GDPD1: variants seen among roughly 807,000 people sequenced by gnomAD.
GDPD1 encodes the protein glycerophosphodiester phosphodiesterase domain containing 1, also known as lysophospholipase D GDPD1.
Under a neutral mutation model 45.1 loss-of-function variants are expected in GDPD1, and 28 were observed. The ratio of observed to expected loss-of-function variants is 0.62; its 90% CI spans 0.46 to 0.85. GDPD1 has a LOEUF of 0.85. Among genes scored for constraint, GDPD1 ranks in the 40% least tolerant of loss-of-function variants. The pLI, the probability that GDPD1 is intolerant of heterozygous loss-of-function variation, is 0.00. For missense variants in GDPD1, 256 were observed against 364.8 expected (o/e 0.70, Z 2.43); for synonymous variants, 139 against 131.4 (o/e 1.06, Z -0.40).
intron 6 of GDPD1, among the ~76,000 whole-genome samples, chr17:59,265,236 T>C (rs942210194): frequency 5.3e-5 from 8 of 152,168 alleles, no homozygotes; most frequent in Middle Eastern, 3.4e-3. Context: ...AATTTTTTTT[T>C]CCAGTAAATA....
At chr17:59,247,388 C>T (rs532561818) in intron 3 of GDPD1, among the ~76,000 whole-genome samples, 1 of 152,138 alleles carries the variant, frequency 6.6e-6, no homozygotes, top group Non-Finnish European at 1.5e-5. Context: ...TTCAGTCCCC[C>T]CTTCCCTCAT....
intron 6 of GDPD1, among the ~76,000 whole-genome samples, chr17:59,265,505 C>G (rs1466778131): frequency 6.6e-6 from 1 of 151,948 alleles, no homozygotes; most frequent in Non-Finnish European, 1.5e-5. Flanking sequence ...CCACTGTACT[C>G]TAGCCTGGGT....
intron 6 of GDPD1, among the ~76,000 whole-genome samples, chr17:59,259,262 T>C (rs2047333444): frequency 6.6e-6 from 1 of 151,122 alleles, no homozygotes; most frequent in Non-Finnish European, 1.5e-5. Flanking sequence ...AAACCCCATC[T>C]CTATTAAAAA....
intron 6 of GDPD1, 87 bp downstream of exon 6, chr17:59,257,927 T>A: frequency 1.1e-6 from 1 of 909,058 alleles, no homozygotes; most frequent in African/African-American, 1.8e-5. Context: ...ATAATTTTTT[T>A]TCTTTTTCTT....
chr17:59,266,255 G>A (rs2047398301), intron 6 of GDPD1, among the ~76,000 whole-genome samples: 1 of 151,834 alleles, frequency 6.6e-6, no homozygotes, highest in South Asian at 2.1e-4. Flanking sequence ...GGGCATGGTG[G>A]TGTGCGCCTG....
intron 7 of GDPD1, 73 bp downstream of exon 7, chr17:59,267,247 C>A: frequency 3.1e-6 from 4 of 1,307,006 alleles, no homozygotes; most frequent in African/African-American, 1.5e-5. Flanking sequence ...TCACTAATAT[C>A]AATATCAATG....
intron 4 of GDPD1, among the ~76,000 whole-genome samples, chr17:59,255,762 A>AATATATAT (rs1203946108): frequency 1.8e-4 from 8 of 44,352 alleles, no homozygotes; most frequent in Non-Finnish European, 2.8e-4. Flanking sequence ...AAAAAAAAAA[A>AATATATAT]ATATATATAT....
chr17:59,253,822 T>C (rs772052895), intron 4 of GDPD1, among the ~76,000 whole-genome samples: 10 of 152,078 alleles, frequency 6.6e-5, no homozygotes, highest in African/African-American at 9.7e-5. Context: ...TGGGCTATTA[T>C]GATCATATGC....
At chr17:59,247,749 C>G (rs1195093466) in intron 3 of GDPD1, among the ~76,000 whole-genome samples, 1 of 151,888 alleles carries the variant, frequency 6.6e-6, no homozygotes, top group Non-Finnish European at 1.5e-5. Context: ...CCTGCCTCAG[C>G]CCCCCCAAAT....
At chr17:59,267,396 C>T (rs2047407089) in intron 7 of GDPD1, among the ~76,000 whole-genome samples, 1 of 152,076 alleles carries the variant, frequency 6.6e-6, no homozygotes, top group Admixed American at 6.6e-5. Context: ...CCTGTATAGT[C>T]AGAAATCAGA....
intron 8 of GDPD1, 92 bp from the exon 9 acceptor site, chr17:59,272,693 G>T: frequency 1.3e-6 from 1 of 757,590 alleles, no homozygotes. Flanking sequence ...GAAGCATTGG[G>T]ATTAAATTAA....
At chr17:59,248,637 C>G in intron 3 of GDPD1, 103 bp from the exon 4 acceptor site, 2 of 798,506 alleles carry the variant, frequency 2.5e-6, no homozygotes, top group Non-Finnish European at 4.1e-6. Flanking sequence ...GTGTTTTAGT[C>G]TTCTGTATGT....
At chr17:59,270,597 G>A (rs552071198) in intron 7 of GDPD1, among the ~76,000 whole-genome samples, 14 of 152,224 alleles carry the variant, frequency 9.2e-5, no homozygotes, top group Admixed American at 7.2e-4. Context: ...ATACTAAATT[G>A]TAGGAGACAA....
chr17:59,265,033 A>G (rs6503912), intron 6 of GDPD1, among the ~76,000 whole-genome samples: 66,936 of 151,102 alleles, frequency 0.44, 16,549 homozygotes, highest in African/African-American at 0.68. Context: ...TAGAGGCAGG[A>G]TTTCACCATG....
chr17:59,227,208 C>G (rs2047053813), intron 1 of GDPD1, among the ~76,000 whole-genome samples: 1 of 151,794 alleles, frequency 6.6e-6, no homozygotes, highest in South Asian at 2.1e-4. Context: ...CACCTGAGGT[C>G]AGGAGTTTGA....
intron 6 of GDPD1, among the ~76,000 whole-genome samples, chr17:59,263,064 C>A (rs138945346): frequency 1.3e-5 from 2 of 152,240 alleles, no homozygotes; most frequent in African/African-American, 4.8e-5. Flanking sequence ...GTCTAATGAA[C>A]AGTAAGGTAC....
chr17:59,242,351 C>A (rs1402386071), intron 2 of GDPD1, among the ~76,000 whole-genome samples: 1 of 152,206 alleles, frequency 6.6e-6, no homozygotes. Flanking sequence ...GTGTGAGCCA[C>A]CATTCCTGGC....
chr17:59,234,539 G>C lies in GDPD1; in HGVS notation c.185+5G>C. On this transcript the variant is annotated splice_donor_5th_base_variant and intron_variant, in intron 2 of 9. Transcript: ENST00000284116. ...TACAATGGCAGCCTTTCAGCAGTAA[G>C]TATGTAAAAAAGGTAAAAGGTACTC... The C allele has an allele frequency of 1.3e-6, 2 of 1,596,810 alleles. No individual in the cohort carries two copies. Among genetic ancestry groups the C allele is most frequent in the Non-Finnish European group, 1.7e-6 (2 of 1,166,120 alleles).
intron 7 of GDPD1, among the ~76,000 whole-genome samples, chr17:59,268,578 C>CAAAAAA (rs1176390251): frequency 3.1e-4 from 11 of 35,328 alleles, no homozygotes; most frequent in African/African-American, 3.7e-4. Flanking sequence ...GACTCTGTCT[C>CAAAAAA]AAAAAAAAAA....
Sources: gnomAD v4.1 joint callset for allele counts (sites outside exome capture counted in the v4.1 genomes callset) on GRCh38, gnomAD v4.1.1 for gene constraint, MANE v1.5 for transcripts, NCBI Gene and HGNC (gene_info 2026-07-23, HGNC 2026-07-21) for gene names.